The following KCNK12 variants were observed in gnomAD, a reference collection of about 807,000 sequenced individuals.
KCNK12 encodes potassium channel subfamily K member 12.
In KCNK12, 6 loss-of-function variants were observed where a neutral mutation model predicts 25.3. The ratio of observed to expected loss-of-function variants is 0.24; its 90% CI spans 0.13 to 0.47. The LOEUF (loss-of-function observed/expected upper bound fraction) is 0.47. Among genes scored for constraint, KCNK12 ranks in the 20% least tolerant of loss-of-function variants. KCNK12 has a pLI of 0.99. For synonymous variants in KCNK12, 331 were observed against 311.1 expected, an observed-to-expected ratio of 1.06 and a Z score of -0.67; for missense variants, 444 against 661.7, an observed-to-expected ratio of 0.67 and a Z score of 3.61.
intron 1 of KCNK12, among the ~76,000 whole-genome samples, chr2:47,559,667 C>T (rs1003800279): frequency 2.0e-5 from 3 of 152,192 alleles, no homozygotes; most frequent in Non-Finnish European, 4.4e-5. Context: ...ACGTTTTCTG[C>T]ATACCTACTA....
chr2:47,532,515 C>G (rs1274807425), intron 1 of KCNK12, among the ~76,000 whole-genome samples: 1 of 152,194 alleles, frequency 6.6e-6, no homozygotes, highest in African/African-American at 2.4e-5. Context: ...GCACCCACCA[C>G]CACACCTGGC....
At chr2:47,559,033 A>T (rs1669608250) in intron 1 of KCNK12, among the ~76,000 whole-genome samples, 1 of 152,238 alleles carries the variant, frequency 6.6e-6, no homozygotes, top group African/African-American at 2.4e-5. Flanking sequence ...CCAGATAGGA[A>T]ATCTGAGTCA....
At position 47,521,426 on chromosome 2, in the gene KCNK12, G is replaced by A. The variant is rs199574577; in HGVS notation, c.774C>T (p.Gly258=). ...GCTGGCTGCTCACCAGGTCCCCGAA[G>A]CCGATGGTGCTGAAGGTGACGAAGC... The part of the protein sequence containing the change: ...YFCFVTFSTI[G]FGDLVSSQHA... The change falls in exon 2 of 2, where the codon GGC becomes GGT. Residue 258 remains glycine (G), a synonymous_variant. Coordinates refer to ENST00000327876, the MANE Select transcript of KCNK12 (RefSeq NM_022055.2). The A allele has an allele frequency of 9.9e-6, 16 of 1,613,424 alleles. No individual in the cohort carries two copies. The highest frequency in any genetic ancestry group is 1.7e-5 in the Admixed American group (1 of 59,974).
intron 1 of KCNK12, among the ~76,000 whole-genome samples, chr2:47,544,151 C>G (rs1417654737): frequency 4.6e-5 from 7 of 152,240 alleles, no homozygotes; most frequent in African/African-American, 1.7e-4. Context: ...ACCCTGACGT[C>G]AGACACACAG....
rs948008719 is a variant in KCNK12 at position 47,565,809 on chromosome 2, A to G, written c.391+4132T>C. 2.0e-5 allele frequency: 3 copies of G among 152,242 alleles called. No homozygotes were observed. Among genetic ancestry groups the G allele is most frequent in the African/African-American group, 7.2e-5 (3 of 41,458 alleles). The allele number at this position is 152,242 out of a possible 1,614,324, so 9.4% of individuals were successfully genotyped here. On this transcript the variant is annotated intron_variant, in intron 1 of 1. Transcript: ENST00000327876. This position sits in a 1 kb window ranked among gnomAD's most constrained non-coding sequence, Gnocchi z 5.0. ...GTCTTCAAGAATATTGTTTCGTGCT[A>G]AAAGAACACAAGACAGTTATCTTTA... is the stretch of plus-strand genomic sequence containing the variant.
intron 1 of KCNK12, among the ~76,000 whole-genome samples, chr2:47,546,748 T>C (rs575572775): frequency 1.3e-5 from 2 of 152,240 alleles, no homozygotes; most frequent in Admixed American, 6.5e-5. Context: ...ATTTAAATGA[T>C]GGTAAAAGGA....
At chr2:47,554,315 T>C (rs1478722518) in intron 1 of KCNK12, among the ~76,000 whole-genome samples, 2 of 152,152 alleles carry the variant, frequency 1.3e-5, no homozygotes, top group African/African-American at 4.8e-5. Context: ...CGGTACATGT[T>C]CTAAGGACAA....
chr2:47,536,800 C>A (rs1030882733), intron 1 of KCNK12, among the ~76,000 whole-genome samples: 3 of 152,158 alleles, frequency 2.0e-5, no homozygotes, highest in African/African-American at 4.8e-5. Context: ...GGGATGCTGC[C>A]AAAGAGCGGA....
rs1370882587 is a variant in KCNK12, at chr2:47,548,049, G to A, written c.391+21892C>T. Among the ~76,000 whole-genome samples the A allele has an allele frequency of 6.6e-6, 1 of 152,082 alleles. No homozygotes were observed. The highest frequency in any genetic ancestry group is 1.5e-5 in the Non-Finnish European group (1 of 68,020). On this transcript the variant is annotated intron_variant, in intron 1 of 1. Coordinates refer to ENST00000327876, the MANE Select transcript of KCNK12 (RefSeq NM_022055.2). This position sits in a 1 kb window ranked among gnomAD's most constrained non-coding sequence, Gnocchi z 4.4. The stretch of plus-strand genomic sequence containing the variant: ...AAAAGTGTGTAGCACCTTCCCCTTT[G>A]CTCTCTTCCTCCTGCTCCAGCCATG...
chr2:47,534,167 ACTT>A (rs1668999133), intron 1 of KCNK12, among the ~76,000 whole-genome samples: 1 of 151,850 alleles, frequency 6.6e-6, no homozygotes, highest in South Asian at 2.1e-4. Context: ...AATGCAAGTG[ACTT>A]CTTTGAATCG....
intron 1 of KCNK12, among the ~76,000 whole-genome samples, chr2:47,559,741 G>A (rs983335648): frequency 2.0e-5 from 3 of 152,218 alleles, no homozygotes; most frequent in Non-Finnish European, 4.4e-5. Flanking sequence ...TTACTTCGCA[G>A]ATGGGGAAGC....
At chr2:47,552,916 T>C (rs1482213164) in intron 1 of KCNK12, among the ~76,000 whole-genome samples, 2 of 152,210 alleles carry the variant, frequency 1.3e-5, no homozygotes, top group East Asian at 3.8e-4. Flanking sequence ...TTGAGTCTTG[T>C]TGAGTGCCGA....
Position 47,512,196 on chromosome 2 carries a change from A to G in KCNK12, c.*8711T>C. ...CCATGGAGAAAAAAGAATTGAACAA[A>G]CTGTCTAAGCTGGGTCAGGTACTCT... On this transcript the variant is annotated 3_prime_UTR_variant, in exon 2 of 2. Coordinates refer to ENST00000327876, the MANE Select transcript of KCNK12 (RefSeq NM_022055.2). The G allele has an allele frequency of 7.5e-7, 1 of 1,338,142 alleles. No homozygotes were observed. The highest frequency in any genetic ancestry group is 1.0e-6 in the Non-Finnish European group (1 of 988,350). The allele number at this position is 1,338,142 out of a possible 1,614,324, so 82.9% of individuals were successfully genotyped here.
intron 1 of KCNK12, among the ~76,000 whole-genome samples, chr2:47,544,661 C>T (rs1199766608): frequency 2.0e-5 from 3 of 152,250 alleles, no homozygotes; most frequent in Non-Finnish European, 4.4e-5. Context: ...TTACATACCA[C>T]ATGGTGTAAC....
At chr2:47,536,989 G>C (rs1400074768) in intron 1 of KCNK12, among the ~76,000 whole-genome samples, 1 of 152,182 alleles carries the variant, frequency 6.6e-6, no homozygotes, top group African/African-American at 2.4e-5. Flanking sequence ...CATGATTATG[G>C]GGTGAATGGT....
In KCNK12 at chr2:47,569,656, A is replaced by C. The variant is rs538157195; in HGVS notation, c.391+285T>G. Among the ~76,000 whole-genome samples, 2 of 152,240 alleles carry C rather than the reference A, an allele frequency of 1.3e-5. No individual in the cohort carries two copies. The highest frequency in any genetic ancestry group is 1.3e-4 in the Admixed American group (2 of 15,296). On this transcript the variant is annotated intron_variant, in intron 1 of 1. Transcript: ENST00000327876. This position sits in a 1 kb window ranked among gnomAD's most constrained non-coding sequence, Gnocchi z 4.1. ...AGCCCTTGGCACGTATTCTTAGAGG[A>C]GAAAACGGAGGCTCACAAAGGTCAG...
Position 47,544,862 on chromosome 2 carries a change from A to T in KCNK12, c.392-23054T>A, listed in dbSNP as rs1282132826. On this transcript the variant is annotated intron_variant, in intron 1 of 1. Coordinates refer to ENST00000327876, the MANE Select transcript of KCNK12 (RefSeq NM_022055.2). ...CTTAGAAAGTTGATTCTGACATCACATACCAATACACAAAAACAAAACCCA... is the reference window on the plus strand; with the variant it reads ...CTTAGAAAGTTGATTCTGACATCACTTACCAATACACAAAAACAAAACCCA... Among the ~76,000 whole-genome samples the T allele has an allele frequency of 3.3e-5, 5 of 152,224 alleles. No individual in the cohort carries two copies. The East Asian group carries it at 9.6e-4, about 29-fold the overall frequency.
chr2:47,540,737 G>A lies in KCNK12; in HGVS notation c.392-18929C>T, dbSNP rs1669179532. On this transcript the variant is annotated intron_variant, in intron 1 of 1. Transcript: ENST00000327876. The surrounding 1 kb of genome is among the most constrained non-coding windows in gnomAD (Gnocchi z 5.4). ...GGCCAGGAGTTTGGGACCAGCCTGGGCAACATGGTGAGACTCCATCCCTAG... is the reference window on the plus strand; with the variant it reads ...GGCCAGGAGTTTGGGACCAGCCTGGACAACATGGTGAGACTCCATCCCTAG... Among the ~76,000 whole-genome samples the A allele has an allele frequency of 6.6e-6, 1 of 152,038 alleles. No homozygotes were observed. The highest frequency in any genetic ancestry group is 2.4e-5 in the African/African-American group (1 of 41,358).
intron 1 of KCNK12, chr2:47,543,841 C>T (rs933939834): frequency 1.8e-4 from 27 of 152,192 alleles, no homozygotes; most frequent in African/African-American, 6.0e-4. Flanking sequence ...TCTTTGTTTC[C>T]CATCCTTCTG....
Sources: gnomAD v4.1 joint callset for allele counts (sites outside exome capture counted in the v4.1 genomes callset) on GRCh38, gnomAD v4.1.1 for gene constraint, Gnocchi (gnomAD v3.1) non-coding constraint, MANE v1.5 for transcripts, NCBI Gene and HGNC (gene_info 2026-07-23, HGNC 2026-07-21) for gene names.